TP53BP1: variants seen among roughly 807,000 people sequenced by gnomAD.
TP53BP1 encodes TP53-binding protein 1.
In TP53BP1, 61 loss-of-function variants were observed where a neutral mutation model predicts 200.8. The ratio of observed to expected loss-of-function variants is 0.30; its 90% CI spans 0.25 to 0.38. The LOEUF (loss-of-function observed/expected upper bound fraction) is 0.38, where lower values mean the gene tolerates loss of function less well. Ranked by LOEUF, TP53BP1 falls within the 10% of genes least tolerant of loss-of-function variation. TP53BP1 has a pLI of 1.00. For synonymous variants in TP53BP1, 822 were observed against 844.3 expected (o/e 0.97, Z 0.46); for missense variants, 2,144 against 2,371.9 (o/e 0.90, Z 2.00).
At chr15:43,483,464 G>A (rs1289317238) in intron 4 of TP53BP1, among the ~76,000 whole-genome samples, 1 of 152,088 alleles carries the variant, frequency 6.6e-6, no homozygotes, top group Non-Finnish European at 1.5e-5. Flanking sequence ...AGAGAGAAAA[G>A]ATGCCAAAAT....
intron 12 of TP53BP1, among the ~76,000 whole-genome samples, chr15:43,453,476 T>A (rs1225902100): frequency 6.6e-6 from 1 of 151,982 alleles, no homozygotes; most frequent in Non-Finnish European, 1.5e-5. Context: ...CAAAAGACGT[T>A]AAGAAGAGAC....
At chr15:43,412,626 G>A (rs1178351121) in intron 24 of TP53BP1, 1 of 468,522 alleles carries the variant, frequency 2.1e-6, no homozygotes. Flanking sequence ...TGAGGAACCA[G>A]GCACCCCACA....
chr15:43,479,647 G>A lies in TP53BP1; in HGVS notation c.659-121C>T, dbSNP rs45561038. Reference sequence around the variant, plus strand: ...GAAGTCCAATTTAAAATATATACAGGCATCAGTCTATAAAGGAAAGTAACC... The same window carrying A: ...GAAGTCCAATTTAAAATATATACAGACATCAGTCTATAAAGGAAAGTAACC... On this transcript the variant is annotated intron_variant, in intron 6 of 27. Coordinates refer to ENST00000382044, the MANE Select transcript of TP53BP1 (RefSeq NM_001141980.3). The A allele has an allele frequency of 5.8e-6, 7 of 1,203,606 alleles. No homozygotes were observed. In the East Asian group the frequency reaches 1.5e-4, roughly 25 times the overall value. The allele number at this position is 1,203,606 out of a possible 1,614,324, so 74.6% of individuals were successfully genotyped here. A position where few individuals can be genotyped will look rare whatever the true frequency, so the allele number is the denominator to read the frequency against.
intron 2 of TP53BP1, 69 bp downstream of exon 2, chr15:43,492,215 T>C: frequency 3.3e-6 from 5 of 1,523,340 alleles, no homozygotes; most frequent in Non-Finnish European, 4.5e-6. Flanking sequence ...TTCTAAATAC[T>C]TATGTTTGCT....
Position 43,416,368 on chromosome 15 carries a change from A to G in TP53BP1, c.4730T>C (p.Ile1577Thr). Residue 1577 changes from isoleucine (I) to threonine (T), a missense_variant, in exon 22 of 28, where the codon ATT (isoleucine) becomes ACT (threonine). By Grantham distance (89) the Ile-to-Thr change is moderately conservative. Around this residue, in one of 4 missense-constraint regions of TP53BP1, gnomAD observed 61 missense variants for 147.5 expected, o/e 0.41. Transcript: ENST00000382044. ...RKESGELYYSIEKEGQRKWYK... is the reference protein window; with the variant it reads ...RKESGELYYSTEKEGQRKWYK... Reference sequence around the variant, plus strand: ...CCACTTTCTTTGGCCTTCTTTTTCAATGCTGTAGTACAGTTCCCCAGACTC... The same window carrying G: ...CCACTTTCTTTGGCCTTCTTTTTCAGTGCTGTAGTACAGTTCCCCAGACTC... 1 of 1,614,200 alleles carries G rather than the reference A, an allele frequency of 6.2e-7. No individual in the cohort carries two copies. The highest frequency in any genetic ancestry group is 8.5e-7 in the Non-Finnish European group (1 of 1,180,030).
intron 10 of TP53BP1, among the ~76,000 whole-genome samples, chr15:43,474,084 G>A (rs1333626463): frequency 6.6e-6 from 1 of 152,160 alleles, no homozygotes; most frequent in Non-Finnish European, 1.5e-5. Context: ...AGCACTGCTG[G>A]GGGACCCAGT....
At chr15:43,432,117 A>G in intron 17 of TP53BP1, 77 bp downstream of exon 17, 1 of 1,531,560 alleles carries the variant, frequency 6.5e-7, no homozygotes, top group Non-Finnish European at 8.8e-7. Flanking sequence ...TTAGGCAGAC[A>G]TGCCACAACT....
At chr15:43,422,458 C>G (rs1340958617) in intron 18 of TP53BP1, among the ~76,000 whole-genome samples, 1 of 151,890 alleles carries the variant, frequency 6.6e-6, no homozygotes, top group Non-Finnish European at 1.5e-5. Flanking sequence ...AAGAGTTTAT[C>G]TTTTTATTGG....
Position 43,469,862 on chromosome 15 carries a change from G to C in TP53BP1, c.1385C>G (p.Ser462Cys), listed in dbSNP as rs747925250. 2 of 1,612,498 alleles carry C rather than the reference G, an allele frequency of 1.2e-6. No homozygotes were observed. Among genetic ancestry groups the C allele is most frequent in the Admixed American group, 1.7e-5 (1 of 59,994 alleles). Residue 462 changes from serine to cysteine, a missense_variant, in exon 11 of 28, where the codon TCT (serine) becomes TGT (cysteine). Physicochemically the swap from Ser to Cys is moderately radical, Grantham distance 112 (BLOSUM62 -1). Coordinates refer to ENST00000382044, the MANE Select transcript of TP53BP1 (RefSeq NM_001141980.3). Reference protein sequence around the residue: ...SLPIPSQPQFSHDIFIPSPSL... With the variant: ...SLPIPSQPQFCHDIFIPSPSL... ...AACTCTTTTTACAATACTCACATGA[G>C]AAAACTGAGGCTGGGATGGGATAGG...
At chr15:43,459,879 C>T (rs1450155682) in intron 11 of TP53BP1, among the ~76,000 whole-genome samples, 2 of 152,092 alleles carry the variant, frequency 1.3e-5, no homozygotes, top group Admixed American at 6.6e-5. Flanking sequence ...ATTGCCCAGA[C>T]TTGAAACTAC....
chr15:43,407,324 C>G lies in TP53BP1; in HGVS notation c.*59G>C. On this transcript the variant is annotated 3_prime_UTR_variant, in exon 28 of 28. Coordinates refer to ENST00000382044, the MANE Select transcript of TP53BP1 (RefSeq NM_001141980.3). ...AGTTACACACAAGACACATTTAAAA[C>G]CTGGTTAAAACACAATCTCCACGAT... is the stretch of plus-strand genomic sequence containing the variant. The G allele has an allele frequency of 4.0e-6, 6 of 1,504,526 alleles. No individual in the cohort carries two copies. The highest frequency in any genetic ancestry group is 5.5e-6 in the Non-Finnish European group (6 of 1,091,284). The allele number at this position is 1,504,526 out of a possible 1,614,324, so 93.2% of individuals were successfully genotyped here. A position where few individuals can be genotyped will look rare whatever the true frequency, so the allele number is the denominator to read the frequency against.
At chr15:43,415,202 C>CTTTTTT (rs763958465) in intron 23 of TP53BP1, 6 of 187,428 alleles carry the variant, frequency 3.2e-5, no homozygotes, top group South Asian at 7.3e-5. Flanking sequence ...TCCTGGCCTT[C>CTTTTTT]TTTTTTTTTT....
At chr15:43,459,011 G>C (rs2046366221) in intron 11 of TP53BP1, among the ~76,000 whole-genome samples, 1 of 152,068 alleles carries the variant, frequency 6.6e-6, no homozygotes, top group Non-Finnish European at 1.5e-5. Flanking sequence ...AGAAAGATGT[G>C]CATCCAAATG....
chr15:43,500,582 G>T (rs550322931), intron 1 of TP53BP1, among the ~76,000 whole-genome samples: 1 of 152,262 alleles, frequency 6.6e-6, no homozygotes, highest in Non-Finnish European at 1.5e-5. Context: ...CACTTTGGGA[G>T]GCTGAGGTGG....
At chr15:43,444,926 A>AT (rs557855897) in intron 14 of TP53BP1, among the ~76,000 whole-genome samples, 14 of 151,250 alleles carry the variant, frequency 9.3e-5, no homozygotes, top group Admixed American at 1.3e-4. Flanking sequence ...GAGGTTGCAA[A>AT]TTTTTTTTTG....
At chr15:43,507,876 G>A (rs955306450) in intron 1 of TP53BP1, among the ~76,000 whole-genome samples, 6 of 151,052 alleles carry the variant, frequency 4.0e-5, no homozygotes, top group Admixed American at 4.0e-4. Context: ...CACCACACCC[G>A]GCTAATTTTT....
At chr15:43,481,538 C>T (rs1359095701) in intron 4 of TP53BP1, among the ~76,000 whole-genome samples, 5 of 151,160 alleles carry the variant, frequency 3.3e-5, no homozygotes, top group Admixed American at 6.6e-5. Context: ...GAGTCTGGGC[C>T]GGGCACAGTG....
Position 43,404,482 on chromosome 15 carries a change from G to A in TP53BP1, c.*2901C>T. On this transcript the variant is annotated 3_prime_UTR_variant, in exon 28 of 28. Coordinates refer to ENST00000382044, the MANE Select transcript of TP53BP1 (RefSeq NM_001141980.3). ...TGTTCGGAATCATCAGATCAACTCA[G>A]ATTTGGCTCAACTACTGTTACGACT... is the stretch of plus-strand genomic sequence containing the variant. 1.2e-6 allele frequency: 2 copies of A among 1,614,128 alleles called. No homozygotes were observed. Among genetic ancestry groups the A allele is most frequent in the Non-Finnish European group, 1.7e-6 (2 of 1,180,022 alleles).
At chr15:43,431,779 C>G (rs982144794) in intron 17 of TP53BP1, among the ~76,000 whole-genome samples, 1 of 152,130 alleles carries the variant, frequency 6.6e-6, no homozygotes, top group African/African-American at 2.4e-5. Context: ...CTGCTTCTTT[C>G]CCCCTTACCT....
Sources: allele counts gnomAD v4.1 joint callset (sites outside exome capture counted in the v4.1 genomes callset), GRCh38; gene constraint gnomAD v4.1.1; regional missense constraint gnomAD v4.1.1; transcripts MANE v1.5; gene names NCBI Gene and HGNC (gene_info 2026-07-23, HGNC 2026-07-21).